AKIRIN2: variants seen among roughly 807,000 people sequenced by gnomAD.
AKIRIN2 encodes akirin-2.
Under a neutral mutation model 29.3 loss-of-function variants are expected in AKIRIN2, and 6 were observed. That is an observed-to-expected ratio of 0.20 (90% CI 0.11 to 0.40). The LOEUF (loss-of-function observed/expected upper bound fraction) is 0.40. AKIRIN2 is among the 10% of genes least tolerant of loss of function. The probability of loss-of-function intolerance (pLI) is 1.00; values close to 1 mark genes in which losing one functional copy is unlikely to be tolerated. For missense variants in AKIRIN2, 210 were observed against 276.1 expected (o/e 0.76, Z 1.70); for synonymous variants, 128 against 117.5 (o/e 1.09, Z -0.58).
rs1376896958 is a variant in AKIRIN2 at position 87,681,630 on chromosome 6, T to C, written c.369A>G (p.Pro123=). 4 of 1,606,148 alleles carry C rather than the reference T, an allele frequency of 2.5e-6. No homozygotes were observed. The African/African-American group carries it at 4.0e-5, about 16-fold the overall frequency. ...AQPHAFLLSG[P]ASPGTSSAAS... ...AAGAAATGTTATTACCTGGTGAAGCTGGTCCACTGAGGAGAAATGCATGTG... is the reference window on the plus strand; with the variant it reads ...AAGAAATGTTATTACCTGGTGAAGCCGGTCCACTGAGGAGAAATGCATGTG... Residue 123 remains proline, a synonymous_variant, in exon 2 of 5, where the codon CCA becomes CCG. Transcript: ENST00000257787.
rs1422127981 is a variant in AKIRIN2, at chr6:87,687,256, ACTTGGGCAGGG to A, written c.236-5504_236-5494del. Among the ~76,000 whole-genome samples, 6 of 147,846 alleles carry A rather than the reference ACTTGGGCAGGG, an allele frequency of 4.1e-5. No individual in the cohort carries two copies. In the East Asian group the frequency reaches 1.2e-3, roughly 30 times the overall value. ...ACTACTTTCTAAATTAAAACACACA[ACTTGGGCAGGG>A]CGTGGTGGCTCACACCTGTAATCCC... On this transcript the variant is annotated intron_variant, in intron 1 of 4. Transcript: ENST00000257787.
chr6:87,697,345 A>C (rs2128303000), intron 1 of AKIRIN2, among the ~76,000 whole-genome samples: 1 of 152,128 alleles, frequency 6.6e-6, no homozygotes, highest in East Asian at 1.9e-4. Flanking sequence ...AGTAATGAAT[A>C]CAACTGCAGT....
rs139961658 is a variant in AKIRIN2, at chr6:87,697,033, C to A, written c.235+4417G>T. Among the ~76,000 whole-genome samples the A allele has an allele frequency of 3.2e-3, 477 of 151,032 alleles. 1 individual carries two copies. The highest frequency in any genetic ancestry group is 5.5e-3 in the Non-Finnish European group (376 of 67,800). On this transcript the variant is annotated intron_variant, in intron 1 of 4. Transcript: ENST00000257787. Reference sequence around the variant, plus strand: ...AACAAACGAACAAAAAAAAAGCCGGCGGCACAGGCTCACACCTATAATCCC... The same window carrying A: ...AACAAACGAACAAAAAAAAAGCCGGAGGCACAGGCTCACACCTATAATCCC...
intron 1 of AKIRIN2, among the ~76,000 whole-genome samples, chr6:87,684,381 T>G (rs977230843): frequency 1.3e-5 from 2 of 152,218 alleles, no homozygotes; most frequent in Non-Finnish European, 2.9e-5. Flanking sequence ...TAAGGTATAA[T>G]TTACAAATGA....
intron 1 of AKIRIN2, among the ~76,000 whole-genome samples, chr6:87,684,729 T>C (rs1450425526): frequency 6.6e-6 from 1 of 152,238 alleles, no homozygotes; most frequent in East Asian, 1.9e-4. Context: ...TTGGTGAGTA[T>C]TCCATCATAT....
rs779581898 is a variant in AKIRIN2 at position 87,675,950 on chromosome 6, G to A, written c.530-19C>T. Reference sequence around the variant, plus strand: ...TATTGTTCTATAAATAAAGGTACTTGTCAATTACATTTGTAAAATGCCTTA... The same window carrying A: ...TATTGTTCTATAAATAAAGGTACTTATCAATTACATTTGTAAAATGCCTTA... On this transcript the variant is annotated intron_variant, in intron 3 of 4. Coordinates refer to ENST00000257787, the MANE Select transcript of AKIRIN2 (RefSeq NM_018064.4). The A allele has an allele frequency of 1.9e-6, 3 of 1,594,616 alleles. No individual in the cohort carries two copies. Among genetic ancestry groups the A allele is most frequent in the Non-Finnish European group, 1.7e-6 (2 of 1,169,970 alleles).
At chr6:87,676,901 C>G (rs140889029) in intron 3 of AKIRIN2, among the ~76,000 whole-genome samples, 2,132 of 151,474 alleles carry the variant, frequency 0.014, 45 homozygotes, top group African/African-American at 0.049. Context: ...ACGGTGAAAC[C>G]CTGTCTCTAC....
At position 87,701,519 on chromosome 6, in the gene AKIRIN2, C is replaced by A. The variant is rs1189052275; in HGVS notation, c.166G>T (p.Ala56Ser). The A allele has an allele frequency of 6.2e-6, 9 of 1,446,484 alleles. No individual in the cohort carries two copies. Among genetic ancestry groups the A allele is most frequent in the African/African-American group, 6.0e-5 (4 of 66,230 alleles). 89.6% of individuals were successfully genotyped at this position (1,446,484 alleles called of 1,614,324 possible). The change falls in exon 1 of 5, where the codon GCC becomes TCC. Residue 56 changes from alanine (A) to serine (S), a missense_variant. Ala to Ser is a moderately conservative substitution (Grantham distance 99). Coordinates refer to ENST00000257787, the MANE Select transcript of AKIRIN2 (RefSeq NM_018064.4). The stretch of plus-strand genomic sequence containing the variant: ...ATTCGGAGATACTTCTGCGGCGAGG[C>A]GGCCGCAGCGGAGAAGGAGGCGGCG... ...ATAASFSAAA[A>S]SPQKYLRMEP... is the part of the protein sequence containing the mutation.
chr6:87,690,909 G>A (rs1021355932), intron 1 of AKIRIN2, among the ~76,000 whole-genome samples: 4 of 152,118 alleles, frequency 2.6e-5, no homozygotes, highest in African/African-American at 7.2e-5. Context: ...GGAGATGGAG[G>A]TTGCAGCGAG....
At chr6:87,693,027 A>C (rs1771300301) in intron 1 of AKIRIN2, among the ~76,000 whole-genome samples, 1 of 151,620 alleles carries the variant, frequency 6.6e-6, no homozygotes, top group East Asian at 2.0e-4. Context: ...CAGGAGATCA[A>C]GACCATCCTG....
At chr6:87,691,315 T>C (rs565843660) in intron 1 of AKIRIN2, among the ~76,000 whole-genome samples, 7 of 150,972 alleles carry the variant, frequency 4.6e-5, no homozygotes, top group African/African-American at 1.7e-4. Flanking sequence ...GTGATACACA[T>C]CTGTAATCCC....
At chr6:87,698,963 A>G (rs746714527) in intron 1 of AKIRIN2, among the ~76,000 whole-genome samples, 3 of 152,174 alleles carry the variant, frequency 2.0e-5, no homozygotes, top group South Asian at 4.1e-4. Flanking sequence ...ACATGCTCTG[A>G]AAAAAAGTCA....
intron 1 of AKIRIN2, among the ~76,000 whole-genome samples, chr6:87,682,681 C>T (rs761793906): frequency 1.3e-4 from 20 of 152,252 alleles, no homozygotes; most frequent in South Asian, 8.3e-4. Context: ...AGTTTACTAA[C>T]CAAAATCCAA....
At chr6:87,688,166 C>CT (rs1438682902) in intron 1 of AKIRIN2, among the ~76,000 whole-genome samples, 2 of 152,040 alleles carry the variant, frequency 1.3e-5, no homozygotes, top group African/African-American at 2.4e-5. Context: ...GAGTCTCGCT[C>CT]TGTCGCCCAG....
chr6:87,689,459 C>T (rs1483191952), intron 1 of AKIRIN2, among the ~76,000 whole-genome samples: 1 of 152,182 alleles, frequency 6.6e-6, no homozygotes, highest in African/African-American at 2.4e-5. Flanking sequence ...GCCTGGGCAA[C>T]AGAGTGAGAC....
intron 1 of AKIRIN2, among the ~76,000 whole-genome samples, chr6:87,690,551 A>G (rs1341441703): frequency 6.6e-6 from 1 of 152,256 alleles, no homozygotes; most frequent in Non-Finnish European, 1.5e-5. Flanking sequence ...ATTAACCTAT[A>G]TACAATGATT....
At chr6:87,700,874 A>G (rs1771449387) in intron 1 of AKIRIN2, 1 of 154,490 alleles carries the variant, frequency 6.5e-6, no homozygotes, top group Admixed American at 6.6e-5. Context: ...GACTCAGCCA[A>G]AGTGGCGTTC....
chr6:87,693,330 T>C (rs1771308147), intron 1 of AKIRIN2, among the ~76,000 whole-genome samples: 1 of 152,174 alleles, frequency 6.6e-6, no homozygotes, highest in Non-Finnish European at 1.5e-5. Flanking sequence ...TAACACCTCT[T>C]CATGTTACAT....
At chr6:87,684,726 G>A (rs1771163379) in intron 1 of AKIRIN2, among the ~76,000 whole-genome samples, 1 of 152,144 alleles carries the variant, frequency 6.6e-6, no homozygotes, top group African/African-American at 2.4e-5. Context: ...TTATTGGTGA[G>A]TATTCCATCA....
Sources: gnomAD v4.1 joint callset for allele counts (sites outside exome capture counted in the v4.1 genomes callset) on GRCh38, gnomAD v4.1.1 for gene constraint, MANE v1.5 for transcripts, NCBI Gene and HGNC (gene_info 2026-07-23, HGNC 2026-07-21) for gene names.